The following FAF2 variants were observed in gnomAD, a reference collection of about 807,000 sequenced individuals.
The protein encoded by FAF2 is Fas associated factor family member 2, also known as FAS-associated factor 2.
In FAF2, 9 loss-of-function variants were observed where a neutral mutation model predicts 62.3. The ratio of observed to expected loss-of-function variants is 0.14; its 90% CI spans 0.09 to 0.25. FAF2 has a LOEUF of 0.25. FAF2 is among the 10% of genes least tolerant of loss of function. FAF2 has a pLI of 1.00. For missense variants in FAF2, 368 were observed against 556.2 expected, an observed-to-expected ratio of 0.66 and a Z score of 3.40; for synonymous variants, 202 against 198.0, an observed-to-expected ratio of 1.02 and a Z score of -0.17.
At chr5:176,448,505 G>A in intron 1 of FAF2, 35 bp downstream of exon 1, 1 of 1,565,614 alleles carries the variant, frequency 6.4e-7, no homozygotes, top group Non-Finnish European at 8.7e-7. Context: ...AGATGCCTCC[G>A]TGGGATGGGG....
chr5:176,479,598 A>G (rs7708676), intron 2 of FAF2, among the ~76,000 whole-genome samples: 4 of 152,196 alleles, frequency 2.6e-5, no homozygotes, highest in East Asian at 1.9e-4. Flanking sequence ...CTAGGTAGTC[A>G]TGTTCTCTGC....
intron 2 of FAF2, among the ~76,000 whole-genome samples, chr5:176,480,627 G>T (rs926565975): frequency 6.6e-6 from 1 of 151,790 alleles, no homozygotes; most frequent in African/African-American, 2.4e-5. Context: ...TGCCCAAGCT[G>T]GTCTTGAATT....
rs184663201 is a variant in FAF2 at position 176,499,347 on chromosome 5, G to A, written c.1011+262G>A. Among the ~76,000 whole-genome samples, 312 of 152,078 alleles carry A rather than the reference G, an allele frequency of 2.1e-3. 5 individuals carry two copies. The highest frequency in any genetic ancestry group is 7.3e-3 in the African/African-American group (303 of 41,488). ...TTGCCATATTGGCCAGGCTGCTCTC[G>A]AACTCCTGACCTCACATGATCTGCC... On this transcript the variant is annotated intron_variant, in intron 9 of 10. Coordinates refer to ENST00000261942, the MANE Select transcript of FAF2 (RefSeq NM_014613.3).
chr5:176,466,935 C>G (rs1399649194), intron 1 of FAF2, among the ~76,000 whole-genome samples: 1 of 150,910 alleles, frequency 6.6e-6, no homozygotes, highest in Non-Finnish European at 1.5e-5. Flanking sequence ...CTTTCTCCCA[C>G]TGATACTATC....
chr5:176,453,181 T>G (rs1165478437), intron 1 of FAF2: 4 of 152,230 alleles, frequency 2.6e-5, no homozygotes, highest in Admixed American at 6.5e-5. Context: ...TTCAGCTATT[T>G]CAGATGGGAA....
In FAF2 at chr5:176,448,392, T is replaced by C. The variant is rs748934029; in HGVS notation, c.-16T>C. ...TGACGGTGCGGACGGGTCAGGAGCG[T>C]AGAGGCGGCGGCAAAATGGCGGCGC... On this transcript the variant is annotated 5_prime_UTR_variant, in exon 1 of 11. Coordinates refer to ENST00000261942, the MANE Select transcript of FAF2 (RefSeq NM_014613.3). The C allele has an allele frequency of 6.9e-6, 11 of 1,601,676 alleles. No individual in the cohort carries two copies. Among genetic ancestry groups the C allele is most frequent in the Middle Eastern group, 1.8e-4 (1 of 5,676 alleles).
chr5:176,497,653 G>C (rs1462963274), intron 8 of FAF2, among the ~76,000 whole-genome samples: 1 of 152,082 alleles, frequency 6.6e-6, no homozygotes, highest in African/African-American at 2.4e-5. Flanking sequence ...CATATAGGGA[G>C]ATAATTTTTT....
intron 10 of FAF2, among the ~76,000 whole-genome samples, chr5:176,503,056 A>T (rs1245417274): frequency 6.6e-6 from 1 of 152,068 alleles, no homozygotes; most frequent in African/African-American, 2.4e-5. Context: ...TCAAAAAAAA[A>T]ATGAATAAAA....
At chr5:176,465,169 G>A (rs1352157160) in intron 1 of FAF2, among the ~76,000 whole-genome samples, 1 of 151,736 alleles carries the variant, frequency 6.6e-6, no homozygotes, top group East Asian at 2.0e-4. Flanking sequence ...GGGATTACAG[G>A]CGTGAGCCAC....
chr5:176,452,055 A>G lies in FAF2; in HGVS notation c.63+3585A>G, dbSNP rs115870467. 6.9e-3 allele frequency among the ~76,000 whole-genome samples: 1,022 copies of G among 148,300 alleles called. 13 individuals carry two copies. The highest frequency in any genetic ancestry group is 0.024 in the African/African-American group (962 of 40,396). On this transcript the variant is annotated intron_variant, in intron 1 of 10. Transcript: ENST00000261942. ...TGGCTAGGACTAGAAGTGCCTGGCT[A>G]ATTTTTGTCTGTTTGTTTTTGAGAC...
At chr5:176,479,562 T>G (rs1309223155) in intron 2 of FAF2, among the ~76,000 whole-genome samples, 1 of 152,228 alleles carries the variant, frequency 6.6e-6, no homozygotes, top group South Asian at 2.1e-4. Flanking sequence ...TTCTTACATA[T>G]TTTATAGTTT....
rs569102476 is a variant in FAF2 at position 176,464,974 on chromosome 5, G to C, written c.64-14214G>C. Among the ~76,000 whole-genome samples the C allele has an allele frequency of 8.5e-5, 13 of 152,146 alleles. No homozygotes were observed. In the South Asian group the frequency reaches 2.7e-3, roughly 32 times the overall value. ...ATGATCTCAGCTCACTGCAACCTCC[G>C]CCTTCCAGGCTCAAGTGATTCTCTT... On this transcript the variant is annotated intron_variant, in intron 1 of 10. Transcript: ENST00000261942.
rs376385101 is a variant in FAF2 at position 176,496,733 on chromosome 5, C to G, written c.839+70C>G. On this transcript the variant is annotated intron_variant, in intron 8 of 10. Coordinates refer to ENST00000261942, the MANE Select transcript of FAF2 (RefSeq NM_014613.3). ...ATTTGGAGGGCTGACCTCTGGGGCT[C>G]TACCAATCCTGACTTCTTCTGTGCA... 5.1e-5 allele frequency: 62 copies of G among 1,226,770 alleles called. 1 individual carries two copies. The highest frequency in any genetic ancestry group is 3.2e-4 in the East Asian group (12 of 37,514). 76.0% of individuals were successfully genotyped at this position (1,226,770 alleles called of 1,614,324 possible).
At chr5:176,464,109 A>T (rs1296348538) in intron 1 of FAF2, among the ~76,000 whole-genome samples, 2 of 151,454 alleles carry the variant, frequency 1.3e-5, no homozygotes, top group African/African-American at 4.8e-5. Context: ...CACTTCTTCC[A>T]CTTATTCTTT....
chr5:176,470,193 T>C (rs1339060487), intron 1 of FAF2, among the ~76,000 whole-genome samples: 1 of 152,170 alleles, frequency 6.6e-6, no homozygotes, highest in Non-Finnish European at 1.5e-5. Flanking sequence ...TAGAAGGAAA[T>C]TTGTAAATGT....
intron 1 of FAF2, among the ~76,000 whole-genome samples, chr5:176,476,264 A>T (rs555133424): frequency 6.6e-6 from 1 of 152,272 alleles, no homozygotes; most frequent in Admixed American, 6.5e-5. Context: ...AACCTGTCTT[A>T]AAAAAACAAA....
chr5:176,507,215 T>TG lies in FAF2; in HGVS notation c.*266dup, dbSNP rs2113751576. The TG allele has an allele frequency of 2.3e-6, 1 of 444,354 alleles. No individual in the cohort carries two copies. The highest frequency in any genetic ancestry group is 6.9e-5 in the East Asian group (1 of 14,450). The allele number at this position is 444,354 out of a possible 1,614,324, so 27.5% of individuals were successfully genotyped here. ...AAGCCCACCCTTCCTGTGGCCTCTG[T>TG]GCACGCACCTTCCAGTGAACAGAGA... On this transcript the variant is annotated 3_prime_UTR_variant, in exon 11 of 11. Transcript: ENST00000261942.
At chr5:176,483,161 G>T (rs964705739) in intron 2 of FAF2, among the ~76,000 whole-genome samples, 3 of 152,008 alleles carry the variant, frequency 2.0e-5, no homozygotes, top group Non-Finnish European at 4.4e-5. Context: ...GGCTCAAGAA[G>T]CCTTCCTGCC....
chr5:176,500,251 G>A, intron 10 of FAF2, 105 bp downstream of exon 10: 2 of 1,111,216 alleles, frequency 1.8e-6, no homozygotes, highest in Non-Finnish European at 2.6e-6. Flanking sequence ...CTGCTCTGAT[G>A]AACAGGGAAC....
Sources: allele counts gnomAD v4.1 joint callset (sites outside exome capture counted in the v4.1 genomes callset), GRCh38; gene constraint gnomAD v4.1.1; transcripts MANE v1.5; gene names NCBI Gene and HGNC (gene_info 2026-07-23, HGNC 2026-07-21).